Variants in RESF1 observed in about 807,000 individuals in gnomAD.
RESF1 encodes gonad expressed transcript.
In RESF1, 65 loss-of-function variants were observed where a neutral mutation model predicts 134.7. The observed-to-expected ratio is 0.48, with a 90% CI of 0.40 to 0.59. RESF1 has a LOEUF of 0.59. Among genes scored for constraint, RESF1 ranks in the 20% least tolerant of loss-of-function variants. RESF1 has a pLI of 0.00. For missense variants in RESF1, 2,274 were observed against 2,002.7 expected, an observed-to-expected ratio of 1.14 and a Z score of -2.59; for synonymous variants, 762 against 702.2, an observed-to-expected ratio of 1.09 and a Z score of -1.35.
At chr12:31,976,458 G>A (rs767232044) in intron 3 of RESF1, among the ~76,000 whole-genome samples, 3 of 152,018 alleles carry the variant, frequency 2.0e-5, no homozygotes, top group East Asian at 1.9e-4. Flanking sequence ...GATTGGGTGC[G>A]GCGGATCACA....
chr12:31,982,344 G>C lies in RESF1; in HGVS notation c.1389G>C (p.Glu463Asp). The C allele has an allele frequency of 6.2e-7, 1 of 1,614,128 alleles. No homozygotes were observed. The highest frequency in any genetic ancestry group is 1.3e-5 in the African/African-American group (1 of 75,046). ...SGPQITPVMP[E>D]NAERQTPTVV... ...CCCAGATAACTCCAGTAATGCCAGA[G>C]AATGCAGAGAGACAAACACCAACAG... The change falls in exon 4 of 6, where the codon GAG becomes GAC. Residue 463 changes from glutamate to aspartate, a missense_variant. Physicochemically the swap from Glu to Asp is conservative, Grantham distance 45. Coordinates refer to ENST00000312561, the MANE Select transcript of RESF1 (RefSeq NM_018169.4).
At chr12:31,980,488 G>C (rs894265711) in intron 3 of RESF1, among the ~76,000 whole-genome samples, 1 of 152,144 alleles carries the variant, frequency 6.6e-6, no homozygotes. Context: ...AATGAACAAT[G>C]AGAATGTTTT....
At position 31,981,226 on chromosome 12, in the gene RESF1, G is replaced by C. The variant is rs1042468852; in HGVS notation, c.271G>C (p.Glu91Gln). ...AGTTGTGGCCTCACACACTTCAGTA[G>C]AAAGAATAACATATGCAAATGTTAA... ...GTVVASHTSV[E>Q]RITYANVNGP... Residue 91 changes from glutamate to glutamine, a missense_variant, in exon 4 of 6, where the codon GAA becomes CAA. By Grantham distance (29) the Glu-to-Gln change is conservative (BLOSUM62 2). Coordinates refer to ENST00000312561, the MANE Select transcript of RESF1 (RefSeq NM_018169.4). The C allele has an allele frequency of 9.9e-6, 16 of 1,614,138 alleles. No homozygotes were observed. Among genetic ancestry groups the C allele is most frequent in the South Asian group, 4.4e-5 (4 of 91,076 alleles).
intron 3 of RESF1, among the ~76,000 whole-genome samples, chr12:31,972,075 T>C (rs964010951): frequency 1.1e-4 from 16 of 152,288 alleles, no homozygotes; most frequent in Middle Eastern, 6.8e-3. Context: ...GAGGGTGGCG[T>C]ACCCAGGGAG....
rs780408652 is a variant in RESF1 at position 31,981,620 on chromosome 12, C to G, written c.665C>G (p.Pro222Arg). The part of the protein sequence containing the change: ...RPPPKLYRYS[P>R]QSFLPDSTIQ... ...CCTCCAAAGCTATACCGTTACTCAC[C>G]ACAAAGCTTTTTACCAGATTCTACC... Residue 222 changes from proline to arginine, a missense_variant, in exon 4 of 6, where the codon CCA becomes CGA. By Grantham distance (103) the Pro-to-Arg change is moderately radical. Coordinates refer to ENST00000312561, the MANE Select transcript of RESF1 (RefSeq NM_018169.4). 4 of 1,614,080 alleles carry G rather than the reference C, an allele frequency of 2.5e-6. No homozygotes were observed. Among genetic ancestry groups the G allele is most frequent in the South Asian group, 2.2e-5 (2 of 91,076 alleles).
chr12:31,981,379 T>A lies in RESF1; in HGVS notation c.424T>A (p.Phe142Ile). Residue 142 changes from phenylalanine (F) to isoleucine (I), a missense_variant, in exon 4 of 6, where the codon TTT (phenylalanine) becomes ATT (isoleucine). Physicochemically the swap from Phe to Ile is conservative, Grantham distance 21. Transcript: ENST00000312561. ...IGATVSHQTDFGANVPNMPAL... is the reference protein window; with the variant it reads ...IGATVSHQTDIGANVPNMPAL... ...GGCAACTGTATCTCATCAAACTGAT[T>A]TTGGAGCTAACGTACCCAATATGCC... The A allele has an allele frequency of 1.2e-6, 2 of 1,614,158 alleles. No homozygotes were observed. Among genetic ancestry groups the A allele is most frequent in the Non-Finnish European group, 1.7e-6 (2 of 1,180,030 alleles).
At chr12:31,976,849 C>T (rs1408064097) in intron 3 of RESF1, among the ~76,000 whole-genome samples, 1 of 152,020 alleles carries the variant, frequency 6.6e-6, no homozygotes, top group Non-Finnish European at 1.5e-5. Flanking sequence ...AAAGAAAATC[C>T]ACGTATAAGT....
rs752425794 is a variant in RESF1 at position 31,985,932 on chromosome 12, T to A, written c.4977T>A (p.Pro1659=). The A allele has an allele frequency of 6.7e-7, 1 of 1,497,114 alleles. No homozygotes were observed. Among genetic ancestry groups the A allele is most frequent in the South Asian group, 1.5e-5 (1 of 68,954 alleles). The allele number at this position is 1,497,114 out of a possible 1,614,324, so 92.7% of individuals were successfully genotyped here. Residue 1659 remains proline (P), a synonymous_variant, in exon 4 of 6, where the codon CCT becomes CCA. Coordinates refer to ENST00000312561, the MANE Select transcript of RESF1 (RefSeq NM_018169.4). The part of the protein sequence containing the change: ...VEERKDVKPH[P]RKEQAPLQVS... ...AACGGAAGGATGTAAAGCCTCATCC[T>A]AGGAAGGAGCAAGCCCCTCTGCAAG...
chr12:31,972,230 G>A (rs192568436), intron 3 of RESF1, among the ~76,000 whole-genome samples: 13 of 152,132 alleles, frequency 8.5e-5, no homozygotes, highest in Admixed American at 4.6e-4. Context: ...CCAAAGGAGC[G>A]GGACATGGGA....
intron 3 of RESF1, among the ~76,000 whole-genome samples, chr12:31,977,801 C>CTTTTTTTT (rs3075963): frequency 5.2e-4 from 65 of 124,328 alleles, no homozygotes; most frequent in Non-Finnish European, 8.2e-4. Flanking sequence ...TTCTTTCTTT[C>CTTTTTTTT]TTTTTTTTTT....
chr12:31,959,672 G>A (rs950414850), intron 1 of RESF1, 181 bp downstream of exon 1: 9 of 151,122 alleles, frequency 6.0e-5, no homozygotes, highest in Admixed American at 5.9e-4. Context: ...GGGCCCCGCC[G>A]GCTCGCGCGT....
At chr12:31,986,013 T>TA in intron 4 of RESF1, 56 bp downstream of exon 4, 2 of 1,223,464 alleles carry the variant, frequency 1.6e-6, no homozygotes, top group Non-Finnish European at 2.1e-6. Flanking sequence ...CGTAGGTCAA[T>TA]ATTTGGGCTA....
chr12:31,985,577 G>A lies in RESF1; in HGVS notation c.4622G>A (p.Gly1541Asp), dbSNP rs1592265132. 3 of 1,599,316 alleles carry A rather than the reference G, an allele frequency of 1.9e-6. No homozygotes were observed. The highest frequency in any genetic ancestry group is 1.7e-4 in the Middle Eastern group (1 of 5,970). Residue 1541 changes from glycine (G) to aspartate (D), a missense_variant, in exon 4 of 6, where the codon GGT (glycine) becomes GAT (aspartate). Coordinates refer to ENST00000312561, the MANE Select transcript of RESF1 (RefSeq NM_018169.4). ...CTAAGGAATGTTAAAGAAAAAGTTG[G>A]TGGGAAGCAGCCTGATAAAATATGG... The part of the protein sequence containing the change: ...NILRNVKEKV[G>D]GKQPDKIWID...
Position 31,987,230 on chromosome 12 carries a change from T to A in RESF1, c.5003-9T>A. 1 of 1,417,778 alleles carries A rather than the reference T, an allele frequency of 7.1e-7. No individual in the cohort carries two copies. 87.8% of individuals were successfully genotyped at this position (1,417,778 alleles called of 1,614,324 possible). On this transcript the variant is annotated splice_polypyrimidine_tract_variant and intron_variant, in intron 4 of 5. Transcript: ENST00000312561. ...ATATCTAGAGTTCTGAAAATGAATA[T>A]TTAAATAGTTTCAGGAATAAAAAGT...
intron 2 of RESF1, among the ~76,000 whole-genome samples, chr12:31,966,445 T>C (rs1473448455): frequency 5.3e-5 from 8 of 152,226 alleles, no homozygotes. Flanking sequence ...AATTTGTCTC[T>C]GGCTTCTCTG....
Position 31,981,353 on chromosome 12 carries a change from G to A in RESF1, c.398G>A (p.Gly133Glu), listed in dbSNP as rs1457238732. 10 of 1,613,892 alleles carry A rather than the reference G, an allele frequency of 6.2e-6. No individual in the cohort carries two copies. The highest frequency in any genetic ancestry group is 8.5e-6 in the Non-Finnish European group (10 of 1,180,008). ...PMRNPVHSHI[G>E]ATVSHQTDFG... ...AGGAATCCTGTGCATTCTCATATAG[G>A]GGCAACTGTATCTCATCAAACTGAT... Residue 133 changes from glycine (G) to glutamate (E), a missense_variant, in exon 4 of 6, where the codon GGG becomes GAG. Transcript: ENST00000312561.
intron 2 of RESF1, among the ~76,000 whole-genome samples, chr12:31,965,943 C>G (rs1939390109): frequency 6.6e-6 from 1 of 150,470 alleles, no homozygotes; most frequent in South Asian, 2.1e-4. Flanking sequence ...TACCTCAACA[C>G]AGTGTTGTCT....
At position 31,981,347 on chromosome 12, in the gene RESF1, A is replaced by G. The variant is rs371644477; in HGVS notation, c.392A>G (p.His131Arg). 35 of 1,614,038 alleles carry G rather than the reference A, an allele frequency of 2.2e-5. 1 individual carries two copies. Among genetic ancestry groups the G allele is most frequent in the Non-Finnish European group, 8.5e-6 (10 of 1,180,024 alleles). Residue 131 changes from histidine (H) to arginine (R), a missense_variant, in exon 4 of 6, where the codon CAT becomes CGT. By Grantham distance (29) the His-to-Arg change is conservative. Transcript: ENST00000312561. ...CCAATGAGGAATCCTGTGCATTCTC[A>G]TATAGGGGCAACTGTATCTCATCAA... ...NSPMRNPVHS[H>R]IGATVSHQTD... is the part of the protein sequence containing the mutation.
rs900359550 is a variant in RESF1 at position 31,982,249 on chromosome 12, A to G, written c.1294A>G (p.Thr432Ala). Residue 432 changes from threonine (T) to alanine (A), a missense_variant, in exon 4 of 6, where the codon ACT (threonine) becomes GCT (alanine). Physicochemically the swap from Thr to Ala is moderately conservative, Grantham distance 58 (BLOSUM62 0). Transcript: ENST00000312561. The part of the protein sequence containing the change: ...MAAGCIKMTN[T>A]SYSEPAQNSK... ...AGCAGGTTGTATTAAAATGACTAATACTTCTTATAGTGAACCAGCTCAGAA... is the reference window on the plus strand; with the variant it reads ...AGCAGGTTGTATTAAAATGACTAATGCTTCTTATAGTGAACCAGCTCAGAA... 1 of 1,613,912 alleles carries G rather than the reference A, an allele frequency of 6.2e-7. No individual in the cohort carries two copies.
Sources: allele counts gnomAD v4.1 joint callset (sites outside exome capture counted in the v4.1 genomes callset), GRCh38; gene constraint gnomAD v4.1.1; transcripts MANE v1.5; gene names NCBI Gene and HGNC (gene_info 2026-07-23, HGNC 2026-07-21).